The following SRGAP2 variants were observed in gnomAD, a reference collection of about 807,000 sequenced individuals.
SRGAP2 encodes the protein SLIT-ROBO Rho GTPase-activating protein 2.
SRGAP2 carries 15 observed loss-of-function variants against 57.2 expected under a neutral mutation model. The observed-to-expected ratio is 0.26, with a 90% CI of 0.18 to 0.40. The LOEUF (loss-of-function observed/expected upper bound fraction) is 0.40, where lower values mean the gene tolerates loss of function less well. Among genes scored for constraint, SRGAP2 ranks in the 10% least tolerant of loss-of-function variants. SRGAP2 has a pLI of 1.00. For synonymous variants in SRGAP2, 249 were observed against 248.0 expected, an observed-to-expected ratio of 1.00 and a Z score of -0.04; for missense variants, 520 against 669.6, an observed-to-expected ratio of 0.78 and a Z score of 2.47.
At chr1:206,410,073 C>T (rs974050296) in intron 10 of SRGAP2, among the ~76,000 whole-genome samples, 31 of 152,350 alleles carry the variant, frequency 2.0e-4, no homozygotes, top group African/African-American at 7.5e-4. Flanking sequence ...TGCACTCCAG[C>T]CTGGGGCAAC....
At position 206,332,937 on chromosome 1, in the gene SRGAP2, G is replaced by A. The variant is rs1205197402; in HGVS notation, c.261-9909G>A. ...GTTCTGTTTTTTCCCCATCTTTGTG[G>A]TTTTCTCTACTTTTGGTCTTTGATG... On this transcript the variant is annotated intron_variant, in intron 3 of 22. Coordinates refer to ENST00000573034, the MANE Select transcript of SRGAP2 (RefSeq NM_015326.5). Among the ~76,000 whole-genome samples the A allele has an allele frequency of 5.9e-5, 9 of 151,928 alleles. 1 individual carries two copies. The highest frequency in any genetic ancestry group is 2.2e-4 in the African/African-American group (9 of 41,368).
chr1:206,303,633 T>G (rs1461603818), intron 3 of SRGAP2, among the ~76,000 whole-genome samples, 160 bp downstream of exon 3: 4 of 152,230 alleles, frequency 2.6e-5, no homozygotes, highest in Admixed American at 6.5e-5. Flanking sequence ...ATCAGTCTTA[T>G]GTGCAATTCA....
intron 2 of SRGAP2, among the ~76,000 whole-genome samples, chr1:206,231,522 C>T (rs540882776): frequency 1.3e-5 from 2 of 151,662 alleles, no homozygotes; most frequent in African/African-American, 2.4e-5. Context: ...CTTGGCCTCT[C>T]TGATAATTAG....
intron 4 of SRGAP2, among the ~76,000 whole-genome samples, chr1:206,374,186 G>A (rs544844551): frequency 8.2e-4 from 124 of 151,414 alleles, no homozygotes; most frequent in African/African-American, 2.9e-3. Flanking sequence ...CACTACGCCC[G>A]GCTAACTTTT....
At chr1:206,455,087 G>T in intron 21 of SRGAP2, 63 bp downstream of exon 21, 1 of 777,702 alleles carries the variant, frequency 1.3e-6, no homozygotes. Flanking sequence ...CTCACCCTCT[G>T]GCCTAACCCC....
rs781912772 is a variant in SRGAP2, at chr1:206,454,891, G to C, written c.2374G>C (p.Val792Leu). 2.6e-6 allele frequency: 2 copies of C among 774,812 alleles called. No homozygotes were observed. Among genetic ancestry groups the C allele is most frequent in the East Asian group, 2.4e-5 (1 of 41,172 alleles). 48.0% of individuals were successfully genotyped at this position (774,812 alleles called of 1,614,324 possible). ...IVVQDTEDGV[V>L]ERSSPKSEIE... Reference sequence around the variant, plus strand: ...CTTCTCCCCCAGCGAGGACGGTGTCGTGGAGAGGTCCAGCCCCAAGTCTGA... The same window carrying C: ...CTTCTCCCCCAGCGAGGACGGTGTCCTGGAGAGGTCCAGCCCCAAGTCTGA... The change falls in exon 21 of 23, where the codon GTG becomes CTG. Residue 792 changes from valine (V) to leucine (L), a missense_variant. Physicochemically the swap from Val to Leu is conservative, Grantham distance 32. Around this residue, in one of 5 missense-constraint regions of SRGAP2, gnomAD observed 478 missense variants for 373.6 expected, o/e 1.28. Transcript: ENST00000573034. The surrounding 1 kb of genome is among the most constrained non-coding windows in gnomAD (Gnocchi z 4.3).
rs200110658 is a variant in SRGAP2 at position 206,216,329 on chromosome 1, C to T, written c.67+10292C>T. Among the ~76,000 whole-genome samples the T allele has an allele frequency of 1.5e-3, 221 of 152,212 alleles. 4 individuals are homozygous for T. The East Asian group carries it at 0.03, about 21-fold the overall frequency. ...AGAAAAATGTTAACACTGAAATTCC[C>T]GAGAGTTTAAAACAAACATAAGGCT... is the stretch of plus-strand genomic sequence containing the variant. On this transcript the variant is annotated intron_variant, in intron 2 of 22. Transcript: ENST00000573034.
At chr1:206,332,554 T>C (rs1173786458) in intron 3 of SRGAP2, among the ~76,000 whole-genome samples, 2 of 149,228 alleles carry the variant, frequency 1.3e-5, no homozygotes, top group African/African-American at 5.1e-5. Flanking sequence ...TTCCTTTCAT[T>C]CATTTCATCT....
chr1:206,454,432 C>T lies in SRGAP2; in HGVS notation c.2361-446C>T, dbSNP rs957782547. ...CTAGAGGCGCTACGACAGTGTGTGG[C>T]GGTGTCCTGCCACGACGCCGCCGTC... On this transcript the variant is annotated intron_variant, in intron 20 of 22. Coordinates refer to ENST00000573034, the MANE Select transcript of SRGAP2 (RefSeq NM_015326.5). The surrounding 1 kb of genome is among the most constrained non-coding windows in gnomAD (Gnocchi z 4.3). 3.7e-5 allele frequency: 19 copies of T among 518,456 alleles called. No individual in the cohort carries two copies. Among genetic ancestry groups the T allele is most frequent in the Admixed American group, 3.4e-5 (1 of 29,686 alleles). 32.1% of individuals were successfully genotyped at this position (518,456 alleles called of 1,614,324 possible). A position where few individuals can be genotyped will look rare whatever the true frequency, so the allele number is the denominator to read the frequency against.
chr1:206,216,443 G>A (rs1666648136), intron 2 of SRGAP2, among the ~76,000 whole-genome samples: 1 of 151,280 alleles, frequency 6.6e-6, no homozygotes, highest in Non-Finnish European at 1.5e-5. Context: ...GTTTGAGAAA[G>A]TTTGTCTGTC....
intron 2 of SRGAP2, among the ~76,000 whole-genome samples, chr1:206,292,218 G>A (rs1339330922): frequency 7.2e-5 from 11 of 152,178 alleles, no homozygotes; most frequent in African/African-American, 2.2e-4. Context: ...TATTTCATTC[G>A]TCAATTTCTA....
rs1417944651 is a variant in SRGAP2, at chr1:206,454,079, C to G, written c.2360+699C>G. On this transcript the variant is annotated intron_variant, in intron 20 of 22. Transcript: ENST00000573034. The surrounding 1 kb of genome is among the most constrained non-coding windows in gnomAD (Gnocchi z 4.3). The stretch of plus-strand genomic sequence containing the variant: ...CCGTTTGCCCTGTCTCTGTCCCCAG[C>G]TCCCCTCCCTTGGATACGATGCTGT... 3 of 701,824 alleles carry G rather than the reference C, an allele frequency of 4.3e-6. No individual in the cohort carries two copies. The highest frequency in any genetic ancestry group is 5.2e-6 in the Non-Finnish European group (2 of 384,588). 43.5% of individuals were successfully genotyped at this position (701,824 alleles called of 1,614,324 possible). A position where few individuals can be genotyped will look rare whatever the true frequency, so the allele number is the denominator to read the frequency against.
chr1:206,374,040 T>TTTG, intron 4 of SRGAP2, among the ~76,000 whole-genome samples: 1 of 137,882 alleles, frequency 7.3e-6, no homozygotes, highest in African/African-American at 2.9e-5. Context: ...TTTTTTTTTT[T>TTTG]TTGAGACGGA....
intron 2 of SRGAP2, among the ~76,000 whole-genome samples, chr1:206,296,648 T>C (rs1468084906): frequency 6.6e-6 from 1 of 152,192 alleles, no homozygotes; most frequent in Admixed American, 6.5e-5. Context: ...CCCAGGCTCG[T>C]CTGGAACTCC....
intron 2 of SRGAP2, among the ~76,000 whole-genome samples, chr1:206,289,263 G>A (rs1671175001): frequency 1.4e-5 from 2 of 140,402 alleles, no homozygotes; most frequent in African/African-American, 5.6e-5. Context: ...ATATTTAAGA[G>A]ATAAGGAGGT....
chr1:206,390,384 CTTTT>C (rs1553349933), intron 5 of SRGAP2, among the ~76,000 whole-genome samples: 1 of 143,576 alleles, frequency 7.0e-6, no homozygotes, highest in Admixed American at 7.0e-5. Flanking sequence ...GTTTTACTCT[CTTTT>C]AACAAGAAAG....
At chr1:206,424,716 G>C (rs1553365679) in intron 13 of SRGAP2, among the ~76,000 whole-genome samples, 1 of 152,214 alleles carries the variant, frequency 6.6e-6, no homozygotes, top group Non-Finnish European at 1.5e-5. Context: ...CAGTGGTGAA[G>C]TGCAGGTCTT....
chr1:206,444,855 G>A (rs1390166884), intron 17 of SRGAP2, among the ~76,000 whole-genome samples: 1 of 152,202 alleles, frequency 6.6e-6, no homozygotes, highest in Non-Finnish European at 1.5e-5. Context: ...AGGCTCTAGA[G>A]AACAGTGATT....
intron 4 of SRGAP2, among the ~76,000 whole-genome samples, chr1:206,383,671 G>A (rs568529845): frequency 6.7e-6 from 1 of 148,476 alleles, no homozygotes; most frequent in Non-Finnish European, 1.5e-5. Flanking sequence ...TTGACTGCAA[G>A]TATCTGAGAA....
Sources: allele counts gnomAD v4.1 joint callset (sites outside exome capture counted in the v4.1 genomes callset), GRCh38; gene constraint gnomAD v4.1.1; regional missense constraint gnomAD v4.1.1; non-coding constraint Gnocchi (gnomAD v3.1); transcripts MANE v1.5; gene names NCBI Gene and HGNC (gene_info 2026-07-23, HGNC 2026-07-21).